Variants in CDC37 observed in about 807,000 individuals in gnomAD.
The protein encoded by CDC37 is cell division cycle 37, HSP90 cochaperone, also known as hsp90 co-chaperone Cdc37.
In CDC37, 9 loss-of-function variants were observed where a neutral mutation model predicts 46.9. The observed-to-expected ratio is 0.19, with a 90% confidence interval of 0.12 to 0.33. The LOEUF is 0.33. Among genes scored for constraint, CDC37 ranks in the 10% least tolerant of loss-of-function variants. The probability of loss-of-function intolerance (pLI) is 1.00; values close to 1 mark genes in which losing one functional copy is unlikely to be tolerated. For synonymous variants in CDC37, 193 were observed against 191.0 expected (o/e 1.01, Z -0.09); for missense variants, 388 against 514.6 (o/e 0.75, Z 2.38).
chr19:10,392,980 AAGCCTTGGAGGGGCACTTTCACC>A, intron 7 of CDC37, 83 bp downstream of exon 7: 1 of 973,076 alleles, frequency 1.0e-6, no homozygotes, highest in Admixed American at 1.8e-5. Context: ...CTCCTTGGAG[AAGCCTTGGAGGGGCACTTTCACC>A]AGCCGGCTTC....
chr19:10,403,530 A>T lies in CDC37; in HGVS notation c.-51T>A. 7.1e-7 allele frequency: 1 copy of T among 1,404,128 alleles called. No individual in the cohort carries two copies. The allele number at this position is 1,404,128 out of a possible 1,614,324, so 87.0% of individuals were successfully genotyped here. A position where few individuals can be genotyped will look rare whatever the true frequency, so the allele number is the denominator to read the frequency against. ...CGGCTCGGGTGGCGGCGACGGCGGCAGCAGTGGAGACTAGGAGCGCGGAGC... is the reference window on the plus strand; with the variant it reads ...CGGCTCGGGTGGCGGCGACGGCGGCTGCAGTGGAGACTAGGAGCGCGGAGC... On this transcript the variant is annotated 5_prime_UTR_variant, in exon 1 of 8. Transcript: ENST00000222005.
chr19:10,400,397 T>G (rs2042512700), intron 1 of CDC37, among the ~76,000 whole-genome samples: 1 of 152,170 alleles, frequency 6.6e-6, no homozygotes, highest in South Asian at 2.1e-4. Context: ...AAATTTTTTT[T>G]TTTAAGAGAC....
At chr19:10,395,645 G>T in intron 2 of CDC37, 102 bp from the exon 3 acceptor site, 1 of 996,874 alleles carries the variant, frequency 1.0e-6, no homozygotes. Flanking sequence ...ATCCACGGCG[G>T]AGGTGGTGAC....
chr19:10,391,637 C>T lies in CDC37; in HGVS notation c.1051G>A (p.Ala351Thr), dbSNP rs1197836126. The change falls in exon 8 of 8, where the codon GCC becomes ACC. Residue 351 changes from alanine to threonine, a missense_variant. By Grantham distance (58) the Ala-to-Thr change is moderately conservative (BLOSUM62 0). Transcript: ENST00000222005. ...LWVPNSKASE[A>T]KEGEEAGPGD... The stretch of plus-strand genomic sequence containing the variant: ...GGACCTGCCTCCTCTCCCTCCTTGG[C>T]CTCGCTGGCCTTAGAGTTGGGGACC... 6.2e-7 allele frequency: 1 copy of T among 1,614,200 alleles called. No individual in the cohort carries two copies. Among genetic ancestry groups the T allele is most frequent in the East Asian group, 2.2e-5 (1 of 44,884 alleles).
chr19:10,397,131 C>A (rs1257394721), intron 1 of CDC37, among the ~76,000 whole-genome samples: 2 of 152,208 alleles, frequency 1.3e-5, no homozygotes, highest in Non-Finnish European at 2.9e-5. Flanking sequence ...TTGGGTACTG[C>A]CCCCCTCCAA....
chr19:10,395,442 C>T lies in CDC37; in HGVS notation c.480G>A (p.Lys160=). 6.2e-7 allele frequency: 1 copy of T among 1,613,786 alleles called. No individual in the cohort carries two copies. Residue 160 remains lysine, a synonymous_variant, in exon 3 of 8, where the codon AAG becomes AAA. Coordinates refer to ENST00000222005, the MANE Select transcript of CDC37 (RefSeq NM_007065.4). ...CCCACAAGCCCCACTCACCAAAGTG[C>T]TTGATCTGTTTCTCGTATTTTTCCA... ...TFVEKYEKQI[K]HFGMLRRWDD...
rs956246732 is a variant in CDC37 at position 10,391,810 on chromosome 19, A to G, written c.982-104T>C. The G allele has an allele frequency of 2.5e-6, 3 of 1,191,676 alleles. No individual in the cohort carries two copies. In the African/African-American group the frequency reaches 4.6e-5, roughly 18 times the overall value. 73.8% of individuals were successfully genotyped at this position (1,191,676 alleles called of 1,614,324 possible). On this transcript the variant is annotated intron_variant, in intron 7 of 7. Coordinates refer to ENST00000222005, the MANE Select transcript of CDC37 (RefSeq NM_007065.4). The stretch of plus-strand genomic sequence containing the variant: ...CCAAGCTGGCTTCCTGCCTATTGAT[A>G]TTTTACCTATTTGAGACGGAGTCTC...
rs778842852 is a variant in CDC37, at chr19:10,395,522, C to T, written c.400G>A (p.Glu134Lys). 6.2e-6 allele frequency: 10 copies of T among 1,613,938 alleles called. No individual in the cohort carries two copies. The highest frequency in any genetic ancestry group is 2.7e-5 in the African/African-American group (2 of 74,940). Residue 134 changes from glutamate (E) to lysine (K), a missense_variant, in exon 3 of 8, where the codon GAG (glutamate) becomes AAG (lysine). Physicochemically the swap from Glu to Lys is moderately conservative, Grantham distance 56. Coordinates refer to ENST00000222005, the MANE Select transcript of CDC37 (RefSeq NM_007065.4). ...FSKSMVNTKPEKTEEDSEEVR... is the reference protein window; with the variant it reads ...FSKSMVNTKPKKTEEDSEEVR... ...TCCTCTGAGTCCTCCTCCGTCTTCT[C>T]GGGCTTGGTATTTACCATGCTCTGT...
In CDC37 at chr19:10,399,240, G is replaced by A. The variant is rs144011011; in HGVS notation, c.103-3037C>T. Among the ~76,000 whole-genome samples the A allele has an allele frequency of 4.2e-3, 637 of 152,082 alleles. 2 individuals are homozygous for A. Among genetic ancestry groups the A allele is most frequent in the South Asian group, 8.1e-3 (39 of 4,816 alleles). On this transcript the variant is annotated intron_variant, in intron 1 of 7. Transcript: ENST00000222005. Reference sequence around the variant, plus strand: ...TCCCAACACTTTGGGAGGCCGAAGCGGGTGGATCACCTGAGGTCAGGAGTT... The same window carrying A: ...TCCCAACACTTTGGGAGGCCGAAGCAGGTGGATCACCTGAGGTCAGGAGTT...
Position 10,393,590 on chromosome 19 carries a change from G to A in CDC37, c.727-149C>T. 1.3e-6 allele frequency: 1 copy of A among 788,338 alleles called. No individual in the cohort carries two copies. Among genetic ancestry groups the A allele is most frequent in the South Asian group, 2.0e-5 (1 of 50,090 alleles). The allele number at this position is 788,338 out of a possible 1,614,324, so 48.8% of individuals were successfully genotyped here. A position where few individuals can be genotyped will look rare whatever the true frequency, so the allele number is the denominator to read the frequency against. ...TACATGAAGGGCTCCCCAAGGCCTG[G>A]GCTCCCCCGCCGGGGACCTCATCTG... On this transcript the variant is annotated intron_variant, in intron 5 of 7. Transcript: ENST00000222005. This position sits in a 1 kb window ranked among gnomAD's most constrained non-coding sequence, Gnocchi z 4.9.
In CDC37 at chr19:10,395,149, AG is replaced by A. The variant is rs2042480370; in HGVS notation, c.604-7del. On this transcript the variant is annotated splice_polypyrimidine_tract_variant and splice_region_variant and intron_variant, in intron 4 of 7. Transcript: ENST00000222005. The stretch of plus-strand genomic sequence containing the variant: ...TGCTCCATGAGTGCACATTTCTGCC[AG>A]GAAGAACAGGCACAGCGTCACCAAG... The A allele has an allele frequency of 6.2e-7, 1 of 1,603,570 alleles. No homozygotes were observed. The highest frequency in any genetic ancestry group is 1.7e-5 in the Admixed American group (1 of 59,638).
chr19:10,399,990 G>A (rs1426052400), intron 1 of CDC37, among the ~76,000 whole-genome samples: 2 of 135,384 alleles, frequency 1.5e-5, no homozygotes, highest in Non-Finnish European at 3.1e-5. Context: ...CTTTCTCCAC[G>A]ATGGGCCTGT....
chr19:10,400,059 CCT>C (rs1297552143), intron 1 of CDC37, among the ~76,000 whole-genome samples: 2 of 152,090 alleles, frequency 1.3e-5, no homozygotes, highest in East Asian at 1.9e-4. Context: ...ACCAGTCTCC[CCT>C]GTGTCCTCTG....
Position 10,396,269 on chromosome 19 carries a change from ATCCCTGC to A in CDC37, c.103-73_103-67del, listed in dbSNP as rs2042491949. On this transcript the variant is annotated intron_variant, in intron 1 of 7. Transcript: ENST00000222005. The surrounding 1 kb of genome is among the most constrained non-coding windows in gnomAD (Gnocchi z 5.9). ...GTCCCTTACCCCCGCCCCATACCCA[ATCCCTGC>A]ACCGGAGATGGCCCCAGGAAAAAGT... 4 of 1,518,900 alleles carry A rather than the reference ATCCCTGC, an allele frequency of 2.6e-6. No individual in the cohort carries two copies. Among genetic ancestry groups the A allele is most frequent in the Non-Finnish European group, 1.8e-6 (2 of 1,120,386 alleles). The allele number at this position is 1,518,900 out of a possible 1,614,324, so 94.1% of individuals were successfully genotyped here. A position where few individuals can be genotyped will look rare whatever the true frequency, so the allele number is the denominator to read the frequency against.
rs542428031 is a variant in CDC37, at chr19:10,391,423, G to A, written c.*128C>T. ...GTGGAGAGGCCAGGGAGGGCTGGGC[G>A]GGCCCCCCAGGCTGGGCCGAGCAGC... On this transcript the variant is annotated 3_prime_UTR_variant, in exon 8 of 8. Transcript: ENST00000222005. The A allele has an allele frequency of 1.7e-4, 193 of 1,131,654 alleles. No individual in the cohort carries two copies. Among genetic ancestry groups the A allele is most frequent in the Admixed American group, 2.2e-4 (12 of 54,394 alleles). The allele number at this position is 1,131,654 out of a possible 1,614,324, so 70.1% of individuals were successfully genotyped here.
intron 1 of CDC37, 109 bp downstream of exon 1, chr19:10,403,269 G>C (rs1451903417): frequency 1.0e-5 from 8 of 786,876 alleles, no homozygotes; most frequent in Non-Finnish European, 1.7e-5. Context: ...TCCAGACTGG[G>C]GGGGTGAGAA....
chr19:10,393,188 C>G lies in CDC37; in HGVS notation c.910-31G>C. On this transcript the variant is annotated intron_variant, in intron 6 of 7. Coordinates refer to ENST00000222005, the MANE Select transcript of CDC37 (RefSeq NM_007065.4). The surrounding 1 kb of genome is among the most constrained non-coding windows in gnomAD (Gnocchi z 4.9). ...GGTACAGAGGGGCTGGGGTCAGGGG[C>G]TGGGTCCCTGTGGCCCTGGGGGGTC... 1 of 1,612,482 alleles carries G rather than the reference C, an allele frequency of 6.2e-7. No homozygotes were observed. The highest frequency in any genetic ancestry group is 1.7e-5 in the Admixed American group (1 of 59,990).
Position 10,399,868 on chromosome 19 carries a change from G to T in CDC37, c.102+3510C>A, listed in dbSNP as rs2042509458. Among the ~76,000 whole-genome samples, 4 of 145,918 alleles carry T rather than the reference G, an allele frequency of 2.7e-5. No homozygotes were observed. The Admixed American group carries it at 2.8e-4, about 10-fold the overall frequency. On this transcript the variant is annotated intron_variant, in intron 1 of 7. Transcript: ENST00000222005. ...AATTGCTTGAACCTGGGAGGTGGAG[G>T]TTACAGTGAGCCGAGATGGCACCAC...
Position 10,403,527 on chromosome 19 carries a change from G to C in CDC37, c.-48C>G. The stretch of plus-strand genomic sequence containing the variant: ...CTCCGGCTCGGGTGGCGGCGACGGC[G>C]GCAGCAGTGGAGACTAGGAGCGCGG... On this transcript the variant is annotated 5_prime_UTR_variant, in exon 1 of 8. Transcript: ENST00000222005. The C allele has an allele frequency of 1.4e-6, 2 of 1,427,458 alleles. No individual in the cohort carries two copies. The highest frequency in any genetic ancestry group is 9.8e-7 in the Non-Finnish European group (1 of 1,019,426). The allele number at this position is 1,427,458 out of a possible 1,614,324, so 88.4% of individuals were successfully genotyped here. A position where few individuals can be genotyped will look rare whatever the true frequency, so the allele number is the denominator to read the frequency against.
Sources: allele counts gnomAD v4.1 joint callset (sites outside exome capture counted in the v4.1 genomes callset), GRCh38; gene constraint gnomAD v4.1.1; non-coding constraint Gnocchi (gnomAD v3.1); transcripts MANE v1.5; gene names NCBI Gene and HGNC (gene_info 2026-07-23, HGNC 2026-07-21).